The following ZBTB7C variants were observed in gnomAD, a reference collection of about 807,000 sequenced individuals.
ZBTB7C encodes zinc finger and BTB domain-containing protein 7C.
In ZBTB7C, 8 loss-of-function variants were observed where a neutral mutation model predicts 25.7. That is an observed-to-expected ratio of 0.31 (90% CI 0.18 to 0.56). The LOEUF is 0.56. ZBTB7C is among the 20% of genes least tolerant of loss of function. The probability of loss-of-function intolerance (pLI) is 0.91; values close to 1 mark genes in which losing one functional copy is unlikely to be tolerated. For synonymous variants in ZBTB7C, 394 were observed against 369.0 expected (o/e 1.07, Z -0.78); for missense variants, 824 against 855.2 (o/e 0.96, Z 0.46).
intron 2 of ZBTB7C, among the ~76,000 whole-genome samples, chr18:48,233,369 C>T (rs1333264621): frequency 6.6e-6 from 1 of 152,094 alleles, no homozygotes; most frequent in Non-Finnish European, 1.5e-5. Context: ...ATAATGTATC[C>T]AGTCTCTGGT....
intron 1 of ZBTB7C, among the ~76,000 whole-genome samples, chr18:48,367,175 TTATATATATATATA>T (rs71165321): frequency 1.1e-4 from 7 of 62,240 alleles, no homozygotes; most frequent in South Asian, 4.1e-4. Flanking sequence ...TCCCCAAGTT[TTATATATATATATA>T]TATATATATA....
chr18:48,308,174 C>T (rs1257852094), intron 2 of ZBTB7C, among the ~76,000 whole-genome samples: 1 of 152,152 alleles, frequency 6.6e-6, no homozygotes, highest in Non-Finnish European at 1.5e-5. Flanking sequence ...CACACACACA[C>T]AAGATTAGGT....
intron 1 of ZBTB7C, among the ~76,000 whole-genome samples, chr18:48,343,748 C>T (rs1400771448): frequency 6.6e-6 from 1 of 152,214 alleles, no homozygotes; most frequent in African/African-American, 2.4e-5. Context: ...TTTCAATCTG[C>T]ATCATCTGCG....
chr18:48,321,584 C>T (rs1421653654), intron 2 of ZBTB7C, among the ~76,000 whole-genome samples: 1 of 152,206 alleles, frequency 6.6e-6, no homozygotes, highest in Non-Finnish European at 1.5e-5. Flanking sequence ...CCAGCTCCTC[C>T]CCATCCCCAT....
At chr18:48,265,827 C>T (rs8090130) in intron 2 of ZBTB7C, among the ~76,000 whole-genome samples, 7,911 of 152,210 alleles carry the variant, frequency 0.052, 214 homozygotes, top group African/African-American at 0.067. Context: ...ACTAAAGACG[C>T]GTGTCAACTT....
chr18:48,259,888 T>G (rs1413770424), intron 2 of ZBTB7C, among the ~76,000 whole-genome samples: 1 of 152,188 alleles, frequency 6.6e-6, no homozygotes, highest in African/African-American at 2.4e-5. Flanking sequence ...ACAGACCAAC[T>G]AGAACTCTCC....
intron 2 of ZBTB7C, among the ~76,000 whole-genome samples, chr18:48,277,900 T>G (rs1288311154): frequency 6.6e-6 from 1 of 151,892 alleles, no homozygotes; most frequent in Non-Finnish European, 1.5e-5. Context: ...CCCCTCTCTT[T>G]GAGGATGCAA....
At chr18:48,198,338 G>C (rs900045475) in intron 2 of ZBTB7C, among the ~76,000 whole-genome samples, 2 of 152,172 alleles carry the variant, frequency 1.3e-5, no homozygotes, top group Non-Finnish European at 2.9e-5. Flanking sequence ...TGGACCTCCA[G>C]ACACACTGCA....
chr18:48,100,827 G>A (rs932554709), intron 3 of ZBTB7C, among the ~76,000 whole-genome samples: 5 of 152,044 alleles, frequency 3.3e-5, no homozygotes, highest in African/African-American at 9.7e-5. Flanking sequence ...AAATCAAGCC[G>A]GAGCCTGGGA....
At position 48,389,222 on chromosome 18, in the gene ZBTB7C, CTCTCTCTCTCTCTCGTGT is replaced by C. The variant is rs1406826668; in HGVS notation, c.-304+19986_-304+20003del. Among the ~76,000 whole-genome samples, 114 of 126,750 alleles carry C rather than the reference CTCTCTCTCTCTCTCGTGT, an allele frequency of 9.0e-4. 1 individual carries two copies. The highest frequency in any genetic ancestry group is 2.4e-3 in the African/African-American group (77 of 32,290). 83.2% of individuals were successfully genotyped at this position (126,750 alleles called of 152,430 possible). Reference sequence around the variant, plus strand: ...TCTCTCTCTCTCTCTCTCTCTCTCTCTCTCTCTCTCTCTCGTGTGTGTGTGTGTGTGTGTGTGTGTGTG... The same window carrying C: ...TCTCTCTCTCTCTCTCTCTCTCTCTCGTGTGTGTGTGTGTGTGTGTGTGTG... On this transcript the variant is annotated intron_variant, in intron 1 of 4. Coordinates refer to ENST00000590800, the MANE Select transcript of ZBTB7C (RefSeq NM_001318841.2).
chr18:48,245,090 G>GTATATA (rs138848813), intron 2 of ZBTB7C, among the ~76,000 whole-genome samples: 44,564 of 109,098 alleles, frequency 0.41, 10,256 homozygotes, highest in Non-Finnish European at 0.54. Context: ...GTGTGTGTGT[G>GTATATA]TGTATATATA....
chr18:48,162,993 T>C (rs1166794985), intron 3 of ZBTB7C, among the ~76,000 whole-genome samples: 2 of 152,090 alleles, frequency 1.3e-5, no homozygotes, highest in Admixed American at 6.5e-5. Context: ...AGAATGAAAC[T>C]GCTAAGGGTG....
In ZBTB7C at chr18:48,119,969, C is replaced by T. The variant is rs535835940; in HGVS notation, c.-17+65965G>A. ...ATAAGCTGGACAGACTGAAGAGGGT[C>T]CCTTAGGCTGGCGTTTCTCGAACCG... On this transcript the variant is annotated intron_variant, in intron 3 of 4. Transcript: ENST00000590800. Among the ~76,000 whole-genome samples, 3 of 152,178 alleles carry T rather than the reference C, an allele frequency of 2.0e-5. No individual in the cohort carries two copies. The South Asian group carries it at 6.2e-4, about 32-fold the overall frequency.
intron 2 of ZBTB7C, among the ~76,000 whole-genome samples, chr18:48,216,535 G>A (rs2042827901): frequency 6.6e-6 from 1 of 152,182 alleles, no homozygotes; most frequent in Non-Finnish European, 1.5e-5. Context: ...GGGGGGCGAA[G>A]GTGGCATACA....
Position 48,029,319 on chromosome 18 carries a change from C to G in ZBTB7C, c.1801G>C (p.Gly601Arg). 6.5e-7 allele frequency: 1 copy of G among 1,536,742 alleles called. No homozygotes were observed. Among genetic ancestry groups the G allele is most frequent in the Non-Finnish European group, 8.7e-7 (1 of 1,147,094 alleles). ...LPDPWAAGLA[G>R]LPGLAGLNHV... is the part of the protein sequence containing the mutation. The stretch of plus-strand genomic sequence containing the variant: ...TTGAGGCCGGCGAGCCCAGGGAGGC[C>G]GGCCAGGCCGGCGGCCCAAGGGTCG... The change falls in exon 5 of 5, where the codon GGC becomes CGC. Residue 601 changes from glycine (G) to arginine (R), a missense_variant. Gly to Arg is a moderately radical substitution (Grantham distance 125). Around this residue, in one of 4 missense-constraint regions of ZBTB7C, gnomAD observed 342 missense variants for 307.0 expected, o/e 1.11. Transcript: ENST00000590800.
chr18:48,064,085 T>C (rs1300247859), intron 3 of ZBTB7C, among the ~76,000 whole-genome samples: 1 of 152,162 alleles, frequency 6.6e-6, no homozygotes, highest in Admixed American at 6.5e-5. Flanking sequence ...CCCAGTCTAC[T>C]GGGAAACAGA....
Position 48,029,197 on chromosome 18 carries a change from G to C in ZBTB7C, c.*63C>G. 1 of 1,481,288 alleles carries C rather than the reference G, an allele frequency of 6.8e-7. No homozygotes were observed. Among genetic ancestry groups the C allele is most frequent in the Non-Finnish European group, 8.9e-7 (1 of 1,126,236 alleles). The allele number at this position is 1,481,288 out of a possible 1,614,324, so 91.8% of individuals were successfully genotyped here. The stretch of plus-strand genomic sequence containing the variant: ...GAAAAGTTCAGATCCATGGGGTAGG[G>C]TAGAGTGGGCCTGGAGGGAGAAGGA... On this transcript the variant is annotated 3_prime_UTR_variant, in exon 5 of 5. Transcript: ENST00000590800.
chr18:48,199,953 G>C (rs1459556045), intron 2 of ZBTB7C, among the ~76,000 whole-genome samples: 1 of 151,902 alleles, frequency 6.6e-6, no homozygotes, highest in Non-Finnish European at 1.5e-5. Context: ...GACACTTCTA[G>C]CACTTCTCTA....
At chr18:48,047,284 T>C (rs1178232392) in intron 3 of ZBTB7C, among the ~76,000 whole-genome samples, 1 of 152,140 alleles carries the variant, frequency 6.6e-6, no homozygotes, top group African/African-American at 2.4e-5. Flanking sequence ...CCTCCCATCT[T>C]CTAAGCTAAG....
Sources: gnomAD v4.1 joint callset for allele counts (sites outside exome capture counted in the v4.1 genomes callset) on GRCh38, gnomAD v4.1.1 for gene constraint, gnomAD v4.1.1 regional missense constraint, MANE v1.5 for transcripts, NCBI Gene and HGNC (gene_info 2026-07-23, HGNC 2026-07-21) for gene names.